The following ETNK1 variants were observed in gnomAD, a reference collection of about 807,000 sequenced individuals.
ETNK1 encodes ethanolamine kinase 1.
ETNK1 carries 8 observed loss-of-function variants against 45.1 expected under a neutral mutation model. That is an observed-to-expected ratio of 0.18 (90% CI 0.10 to 0.32). ETNK1 has a LOEUF of 0.32. ETNK1 is among the 10% of genes least tolerant of loss of function. The probability of loss-of-function intolerance (pLI) is 1.00; values close to 1 mark genes in which losing one functional copy is unlikely to be tolerated. For synonymous variants in ETNK1, 152 were observed against 151.9 expected (o/e 1.00, Z -0.01); for missense variants, 302 against 430.6 (o/e 0.70, Z 2.64).
intron 6 of ETNK1, among the ~76,000 whole-genome samples, chr12:22,680,616 T>A (rs1235273487): frequency 2.6e-5 from 4 of 152,194 alleles, no homozygotes; most frequent in African/African-American, 9.6e-5. Flanking sequence ...TCCTTATGGA[T>A]GTGTCTTAAG....
At chr12:22,648,230 G>A (rs1016353297) in intron 2 of ETNK1, among the ~76,000 whole-genome samples, 1 of 151,794 alleles carries the variant, frequency 6.6e-6, no homozygotes, top group African/African-American at 2.4e-5. Flanking sequence ...ATCACCCAAA[G>A]TCCACAGTTT....
At chr12:22,634,997 T>C (rs1953636328) in intron 1 of ETNK1, among the ~76,000 whole-genome samples, 1 of 152,254 alleles carries the variant, frequency 6.6e-6, no homozygotes, top group South Asian at 2.1e-4. Context: ...TTTTTGCCTT[T>C]TAAATTTCTA....
chr12:22,665,063 T>C (rs559903495), intron 4 of ETNK1, among the ~76,000 whole-genome samples: 1 of 152,276 alleles, frequency 6.6e-6, no homozygotes, highest in African/African-American at 2.4e-5. Context: ...TAAAAGCAGA[T>C]ATATTTATAG....
intron 1 of ETNK1, among the ~76,000 whole-genome samples, chr12:22,636,038 C>T (rs1033786332): frequency 2.0e-5 from 3 of 152,078 alleles, no homozygotes; most frequent in African/African-American, 7.2e-5. Context: ...GTGATGCATG[C>T]CTTAGTCCCA....
intron 4 of ETNK1, among the ~76,000 whole-genome samples, chr12:22,668,543 T>G (rs1954077228): frequency 6.6e-6 from 1 of 152,200 alleles, no homozygotes; most frequent in Non-Finnish European, 1.5e-5. Context: ...TTTTTCCTTT[T>G]AAGCTTTGTG....
At chr12:22,634,575 T>G (rs1953629280) in intron 1 of ETNK1, among the ~76,000 whole-genome samples, 1 of 152,204 alleles carries the variant, frequency 6.6e-6, no homozygotes, top group Non-Finnish European at 1.5e-5. Flanking sequence ...AGTTATCAAC[T>G]GTATTAATCT....
intron 1 of ETNK1, among the ~76,000 whole-genome samples, chr12:22,643,467 G>T (rs1953765307): frequency 6.6e-6 from 1 of 151,966 alleles, no homozygotes; most frequent in Non-Finnish European, 1.5e-5. Context: ...GAAATGGCAG[G>T]TATCAAGAAA....
chr12:22,648,570 G>A (rs1379411820), intron 2 of ETNK1, among the ~76,000 whole-genome samples: 1 of 151,866 alleles, frequency 6.6e-6, no homozygotes, highest in Non-Finnish European at 1.5e-5. Context: ...TTAGGGTTCT[G>A]AATAATGTTT....
chr12:22,659,087 T>C lies in ETNK1; in HGVS notation c.490T>C (p.Trp164Arg). Residue 164 changes from tryptophan to arginine, a missense_variant, in exon 3 of 8, where the codon TGG becomes CGG. Transcript: ENST00000266517. ...HNGWIPKSNL[W>R]LKMGKYFSLI... ...TGGCTGGATCCCCAAATCTAATCTTTGGCTAAAGATGGGAAAGTATTTCTC... is the reference window on the plus strand; with the variant it reads ...TGGCTGGATCCCCAAATCTAATCTTCGGCTAAAGATGGGAAAGTATTTCTC... The C allele has an allele frequency of 1.2e-6, 2 of 1,614,024 alleles. No individual in the cohort carries two copies. Among genetic ancestry groups the C allele is most frequent in the Non-Finnish European group, 8.5e-7 (1 of 1,179,926 alleles).
rs556735408 is a variant in ETNK1, at chr12:22,686,090, C to G, written c.*1136C>G. ...AATAAGGAACACTTAGGGCATTGATCTTGTACACTTAAAATCTGACAAATG... is the reference window on the plus strand; with the variant it reads ...AATAAGGAACACTTAGGGCATTGATGTTGTACACTTAAAATCTGACAAATG... On this transcript the variant is annotated 3_prime_UTR_variant, in exon 8 of 8. Coordinates refer to ENST00000266517, the MANE Select transcript of ETNK1 (RefSeq NM_018638.5). 3.3e-5 allele frequency: 5 copies of G among 152,406 alleles called. No individual in the cohort carries two copies. In the East Asian group the frequency reaches 5.8e-4, roughly 18 times the overall value. The allele number at this position is 152,406 out of a possible 1,614,324, so 9.4% of individuals were successfully genotyped here.
In ETNK1 at chr12:22,685,127, A is replaced by G. The variant is rs1954249755; in HGVS notation, c.*173A>G. 9.5e-6 allele frequency: 5 copies of G among 525,338 alleles called. No individual in the cohort carries two copies. The South Asian group carries it at 1.1e-4, about 12-fold the overall frequency. 32.5% of individuals were successfully genotyped at this position (525,338 alleles called of 1,614,324 possible). A position where few individuals can be genotyped will look rare whatever the true frequency, so the allele number is the denominator to read the frequency against. ...TTTTGAAATAGACTGAATGATGTCA[A>G]GAAATATACCTACTGCTATCCGTAT... On this transcript the variant is annotated 3_prime_UTR_variant, in exon 8 of 8. Coordinates refer to ENST00000266517, the MANE Select transcript of ETNK1 (RefSeq NM_018638.5).
chr12:22,625,687 A>T lies in ETNK1; in HGVS notation c.156+101A>T. 3 of 1,475,636 alleles carry T rather than the reference A, an allele frequency of 2.0e-6. No homozygotes were observed. In the South Asian group the frequency reaches 3.7e-5, roughly 18 times the overall value. 91.4% of individuals were successfully genotyped at this position (1,475,636 alleles called of 1,614,324 possible). A position where few individuals can be genotyped will look rare whatever the true frequency, so the allele number is the denominator to read the frequency against. On this transcript the variant is annotated intron_variant, in intron 1 of 7. Coordinates refer to ENST00000266517, the MANE Select transcript of ETNK1 (RefSeq NM_018638.5). ...GTCCCACGATGACCGAGGAGGACCT[A>T]GGGCAACATCTCCTTAAGTCTATTG...
At chr12:22,638,707 G>T (rs1362792449) in intron 1 of ETNK1, 1 of 152,118 alleles carries the variant, frequency 6.6e-6, no homozygotes, top group Non-Finnish European at 1.5e-5. Context: ...AAGCTCTAGA[G>T]TTCCTCACTT....
At chr12:22,648,134 T>G (rs1038739079) in intron 2 of ETNK1, among the ~76,000 whole-genome samples, 3 of 151,898 alleles carry the variant, frequency 2.0e-5, no homozygotes, top group African/African-American at 7.2e-5. Flanking sequence ...CCAGATCCCC[T>G]CCTTCCTCCA....
At chr12:22,679,737 A>G (rs367550695) in intron 6 of ETNK1, among the ~76,000 whole-genome samples, 1 of 136,376 alleles carries the variant, frequency 7.3e-6, no homozygotes, top group Non-Finnish European at 1.5e-5. Context: ...GTCTCACTCT[A>G]TCGCCCAGCC....
intron 6 of ETNK1, among the ~76,000 whole-genome samples, chr12:22,679,581 C>G (rs985072484): frequency 2.6e-5 from 4 of 152,136 alleles, no homozygotes; most frequent in Non-Finnish European, 5.9e-5. Flanking sequence ...AAGTTGACAC[C>G]TAACATTAAC....
chr12:22,639,662 C>CTT (rs759046240), intron 1 of ETNK1, among the ~76,000 whole-genome samples: 2 of 149,674 alleles, frequency 1.3e-5, no homozygotes, highest in South Asian at 2.1e-4. Context: ...GGGCAAAAGA[C>CTT]TGAGACTCTC....
In ETNK1 at chr12:22,655,979, G is replaced by A. The variant is rs575183917; in HGVS notation, c.417-3035G>A. Reference sequence around the variant, plus strand: ...CATCACATTATCAGTTCAAATCCTAGCTTAGCTCGTTAGCTACCTTCTTGC... The same window carrying A: ...CATCACATTATCAGTTCAAATCCTAACTTAGCTCGTTAGCTACCTTCTTGC... On this transcript the variant is annotated intron_variant, in intron 2 of 7. Transcript: ENST00000266517. 2.6e-5 allele frequency among the ~76,000 whole-genome samples: 4 copies of A among 152,278 alleles called. No individual in the cohort carries two copies. In the South Asian group the frequency reaches 8.3e-4, roughly 32 times the overall value.
At position 22,661,069 on chromosome 12, in the gene ETNK1, A is replaced by G. The variant is rs934283495; in HGVS notation, c.564A>G (p.Leu188=). Reference sequence around the variant, plus strand: ...CTTCTTTTAAAACTAAAAGGTTCCTAAGTGATATCCCAAGCTCTCAGATTC... The same window carrying G: ...CTTCTTTTAAAACTAAAAGGTTCCTGAGTGATATCCCAAGCTCTCAGATTC... ...FADEDINKRF[L]SDIPSSQILQ... Residue 188 remains leucine (L), a synonymous_variant, in exon 4 of 8, where the codon CTA becomes CTG. Coordinates refer to ENST00000266517, the MANE Select transcript of ETNK1 (RefSeq NM_018638.5). 2 of 1,606,690 alleles carry G rather than the reference A, an allele frequency of 1.2e-6. No individual in the cohort carries two copies. The highest frequency in any genetic ancestry group is 3.3e-4 in the Middle Eastern group (2 of 6,048).
Sources: allele counts gnomAD v4.1 joint callset (sites outside exome capture counted in the v4.1 genomes callset), GRCh38; gene constraint gnomAD v4.1.1; transcripts MANE v1.5; gene names NCBI Gene and HGNC (gene_info 2026-07-23, HGNC 2026-07-21).